THOC2: variants seen among roughly 807,000 people sequenced by gnomAD.
THOC2 encodes THO complex subunit 2.
THOC2 carries 10 observed loss-of-function variants against 128.4 expected under a neutral mutation model. The ratio of observed to expected loss-of-function variants is 0.08; its 90% CI spans 0.05 to 0.13. The LOEUF (loss-of-function observed/expected upper bound fraction) is 0.13, where lower values mean the gene tolerates loss of function less well. Ranked by LOEUF, THOC2 falls within the 10% of genes least tolerant of loss-of-function variation. THOC2 has a pLI of 1.00. For synonymous variants in THOC2, 393 were observed against 396.9 expected (o/e 0.99, Z 0.12); for missense variants, 535 against 1,155.7 (o/e 0.46, Z 7.79).
intron 1 of THOC2, among the ~76,000 whole-genome samples, chrX:123,722,043 G>C (rs1006899637): frequency 3.6e-5 from 4 of 112,000 alleles, no homozygotes; most frequent in African/African-American, 1.3e-4. Context: ...TCTCAAAACT[G>C]AACCAAGTGA....
rs767531936 is a variant in THOC2, at chrX:123,702,668, T to C, written c.274+786A>G. On this transcript the variant is annotated intron_variant, in intron 4 of 38. Transcript: ENST00000245838. ...ATTTTAGCAGGGCATGGCGGTGAGA[T>C]AGGAGGATCACTTGAGCCCACGAGG... Among the ~76,000 whole-genome samples, 89 of 105,582 alleles carry C rather than the reference T, an allele frequency of 8.4e-4. 1 individual carries two copies. The East Asian group carries it at 0.022, about 26-fold the overall frequency. 91.7% of individuals were successfully genotyped at this position (105,582 alleles called of 115,157 possible). A position where few individuals can be genotyped will look rare whatever the true frequency, so the allele number is the denominator to read the frequency against.
chrX:123,665,661 C>T lies in THOC2; in HGVS notation c.1367G>A (p.Gly456Asp). The change falls in exon 12 of 39, where the codon GGC becomes GAC. Residue 456 changes from glycine to aspartate, a missense_variant. This residue lies in a region of THOC2 where 197 missense variants were observed against 313.4 expected (regional missense o/e 0.63). Transcript: ENST00000245838. ...ACTTACCTCCTTCATAAATGACTTG[C>T]CTATGCGCACCACTTTTGCAAATAA... ...PILFAKVVRI[G>D]KSFMKEFQSD... 8.5e-7 allele frequency: 1 copy of T among 1,169,666 alleles called. No individual in the cohort carries two copies.
rs772594876 is a variant in THOC2, at chrX:123,617,926, T to C, written c.4311+1475A>G. On this transcript the variant is annotated intron_variant, in intron 33 of 38. Coordinates refer to ENST00000245838, the MANE Select transcript of THOC2 (RefSeq NM_001081550.2). ...TATATTTAAGTTAGCCAATAAAAAG[T>C]TTACATTAAATGAAAGTTCTATAGA... is the stretch of plus-strand genomic sequence containing the variant. Among the ~76,000 whole-genome samples the C allele has an allele frequency of 2.7e-3, 297 of 111,798 alleles. 1 individual carries two copies. The highest frequency in any genetic ancestry group is 9.3e-3 in the Middle Eastern group (2 of 215).
chrX:123,603,492 G>A (rs1255143289), intron 38 of THOC2: 3 of 535,451 alleles, frequency 5.6e-6, no homozygotes, highest in Non-Finnish European at 9.5e-6. Context: ...GGTGTATCTC[G>A]AGTAAAAAAT....
intron 8 of THOC2, among the ~76,000 whole-genome samples, chrX:123,683,718 A>T (rs2049886225): frequency 9.2e-6 from 1 of 109,255 alleles, no homozygotes; most frequent in Non-Finnish European, 1.9e-5. Flanking sequence ...CTCCTGCCTC[A>T]GCCTCCCGAG....
Position 123,621,338 on chromosome X carries a change from A to G in THOC2, c.4035T>C (p.Thr1345=). 1.7e-6 allele frequency: 2 copies of G among 1,210,173 alleles called. No individual in the cohort carries two copies. Among genetic ancestry groups the G allele is most frequent in the Non-Finnish European group, 2.2e-6 (2 of 895,068 alleles). The change falls in exon 31 of 39, where the codon ACT becomes ACC. Residue 1345 remains threonine, a synonymous_variant. Transcript: ENST00000245838. Reference sequence around the variant, plus strand: ...TTGATTTTGATTCTGCGTTGGGGACAGTGGTCTTAAATTTCTCATCTTTAG... The same window carrying G: ...TTGATTTTGATTCTGCGTTGGGGACGGTGGTCTTAAATTTCTCATCTTTAG... ...EKAKDEKFKT[T]VPNAESKSTQ... is the part of the protein sequence containing the mutation.
intron 12 of THOC2, 118 bp from the exon 13 acceptor site, chrX:123,645,493 T>A: frequency 2.5e-6 from 1 of 406,618 alleles, no homozygotes; most frequent in Non-Finnish European, 4.0e-6. Context: ...TTCTTACTTT[T>A]TACAAATATG....
chrX:123,615,959 A>G (rs1392010407), intron 33 of THOC2, among the ~76,000 whole-genome samples: 1 of 111,059 alleles, frequency 9.0e-6, no homozygotes, highest in African/African-American at 3.3e-5. Flanking sequence ...TAGGCATTCC[A>G]AACTCTCCAC....
intron 12 of THOC2, among the ~76,000 whole-genome samples, chrX:123,656,748 G>A (rs1041374549): frequency 9.1e-6 from 1 of 109,742 alleles, no homozygotes; most frequent in African/African-American, 3.3e-5. Context: ...GGTGGCTCAC[G>A]CCTGTAATTC....
chrX:123,683,939 T>C (rs1359362464), intron 8 of THOC2, among the ~76,000 whole-genome samples: 1 of 110,807 alleles, frequency 9.0e-6, no homozygotes, highest in East Asian at 2.8e-4. Flanking sequence ...GGGATGGTAT[T>C]ACATAGAGCA....
At chrX:123,710,756 A>G (rs1250227588) in intron 2 of THOC2, among the ~76,000 whole-genome samples, 3 of 108,974 alleles carry the variant, frequency 2.8e-5, no homozygotes, top group Non-Finnish European at 5.7e-5. Flanking sequence ...TTGGGAGGCT[A>G]AGGTGTGCGA....
chrX:123,719,882 T>C (rs1304735501), intron 1 of THOC2, among the ~76,000 whole-genome samples: 1 of 110,135 alleles, frequency 9.1e-6, no homozygotes, highest in Non-Finnish European at 1.9e-5. Flanking sequence ...TGAGCTATGA[T>C]TTCACTACAG....
At chrX:123,612,118 T>A (rs984269930) in intron 36 of THOC2, among the ~76,000 whole-genome samples, 1 of 111,454 alleles carries the variant, frequency 9.0e-6, no homozygotes, top group African/African-American at 3.3e-5. Context: ...TTTTGGTGGT[T>A]CCTCAAAAAG....
Position 123,667,215 on chromosome X carries a change from C to A in THOC2, c.1081G>T (p.Ala361Ser). Residue 361 changes from alanine to serine, a missense_variant, in exon 11 of 39, where the codon GCA becomes TCA. By Grantham distance (99) the Ala-to-Ser change is moderately conservative. Transcript: ENST00000245838. ...ALLKIGDWQHAQNIMDQMPPY... is the reference protein window; with the variant it reads ...ALLKIGDWQHSQNIMDQMPPY... The stretch of plus-strand genomic sequence containing the variant: ...GGCATCTGATCCATAATGTTCTGTG[C>A]ATGTTGCCAATCACCAATCTTTAAT... 5 of 1,208,334 alleles carry A rather than the reference C, an allele frequency of 4.1e-6. No individual in the cohort carries two copies. Among genetic ancestry groups the A allele is most frequent in the Non-Finnish European group, 5.6e-6 (5 of 893,768 alleles).
intron 30 of THOC2, 35 bp downstream of exon 30, chrX:123,622,723 A>T: frequency 1.0e-6 from 1 of 968,508 alleles, no homozygotes; most frequent in Non-Finnish European, 1.4e-6. Flanking sequence ...TTTAAAAAGA[A>T]TTTAGAATTA....
At chrX:123,729,225 C>T (rs1372985825) in intron 1 of THOC2, among the ~76,000 whole-genome samples, 1 of 111,920 alleles carries the variant, frequency 8.9e-6, no homozygotes, top group East Asian at 2.8e-4. Flanking sequence ...TCTTTAAGAT[C>T]ACTTTAAAGG....
At chrX:123,671,874 A>C in intron 8 of THOC2, 113 bp from the exon 9 acceptor site, 1 of 375,155 alleles carries the variant, frequency 2.7e-6, no homozygotes, top group Non-Finnish European at 4.7e-6. Context: ...GGCCAAGAAA[A>C]TGCTTCACTG....
At chrX:123,644,554 G>A in intron 15 of THOC2, 21 bp downstream of exon 15, 1 of 1,060,769 alleles carries the variant, frequency 9.4e-7, no homozygotes, top group East Asian at 3.1e-5. Flanking sequence ...AGATTAATAT[G>A]AAAAATAAAT....
chrX:123,683,600 CTT>C (rs1167414661), intron 8 of THOC2, among the ~76,000 whole-genome samples: 9 of 99,712 alleles, frequency 9.0e-5, no homozygotes, highest in Non-Finnish European at 4.1e-5. Flanking sequence ...AATGACAAGA[CTT>C]TTTTTTTTTT....
Sources: allele counts gnomAD v4.1 joint callset (sites outside exome capture counted in the v4.1 genomes callset), GRCh38; gene constraint gnomAD v4.1.1; regional missense constraint gnomAD v4.1.1; transcripts MANE v1.5; gene names NCBI Gene and HGNC (gene_info 2026-07-23, HGNC 2026-07-21).